Variants in ACTN4 observed in about 807,000 individuals in gnomAD.
ACTN4 encodes actinin alpha 4, also known as alpha-actinin-4.
Under a neutral mutation model 114.2 loss-of-function variants are expected in ACTN4, and 18 were observed. The observed-to-expected ratio is 0.16, with a 90% CI of 0.11 to 0.23. The LOEUF (loss-of-function observed/expected upper bound fraction) is 0.23, where lower values mean the gene tolerates loss of function less well. Ranked by LOEUF, ACTN4 falls within the 10% of genes least tolerant of loss-of-function variation. ACTN4 has a pLI of 1.00. For synonymous variants in ACTN4, 515 were observed against 506.3 expected (o/e 1.02, Z -0.23); for missense variants, 722 against 1,262.9 (o/e 0.57, Z 6.49).
At position 38,730,973 on chromosome 19, in the gene ACTN4, G is replaced by GT; in HGVS notation, c.*1541_*1542insT. The GT allele has an allele frequency of 6.4e-6, 10 of 1,550,876 alleles. No homozygotes were observed. The highest frequency in any genetic ancestry group is 3.3e-4 in the Middle Eastern group (2 of 5,992). ...CCTCCCACCTGGCTCACCTGTCTGT[G>GT]GGTCAGGCAGATGACCCCCTCACCC... is the stretch of plus-strand genomic sequence containing the variant. On this transcript the variant is annotated 3_prime_UTR_variant, in exon 21 of 21. Coordinates refer to ENST00000252699, the MANE Select transcript of ACTN4 (RefSeq NM_004924.6).
chr19:38,672,882 ATTT>A (rs1967176833), intron 1 of ACTN4, among the ~76,000 whole-genome samples: 1 of 145,978 alleles, frequency 6.9e-6, no homozygotes, highest in South Asian at 2.1e-4. Context: ...CCCTGTAACC[ATTT>A]TTAAGTGATT....
At chr19:38,721,820 C>A in intron 12 of ACTN4, 132 bp downstream of exon 12, 1 of 1,352,750 alleles carries the variant, frequency 7.4e-7, no homozygotes, top group Non-Finnish European at 1.0e-6. Context: ...AACTGCACCT[C>A]CTTCCAGAAG....
At chr19:38,706,955 G>A (rs971945476) in intron 5 of ACTN4, among the ~76,000 whole-genome samples, 3 of 152,184 alleles carry the variant, frequency 2.0e-5, no homozygotes, top group Non-Finnish European at 2.9e-5. Context: ...AGGCCTGCCT[G>A]GTGGTTGGGA....
intron 1 of ACTN4, among the ~76,000 whole-genome samples, chr19:38,669,249 G>C (rs1221686676): frequency 6.6e-6 from 1 of 152,152 alleles, no homozygotes; most frequent in East Asian, 1.9e-4. Context: ...GCCTCCCAAA[G>C]TGCTGGGATT....
chr19:38,692,365 A>G (rs1599807304), intron 1 of ACTN4, among the ~76,000 whole-genome samples: 2 of 152,176 alleles, frequency 1.3e-5, no homozygotes, highest in African/African-American at 4.8e-5. Context: ...TGCTGCACCC[A>G]TCTAATTTGT....
intron 11 of ACTN4, among the ~76,000 whole-genome samples, chr19:38,721,236 G>A (rs1969029696): frequency 1.3e-5 from 2 of 152,194 alleles, no homozygotes; most frequent in Non-Finnish European, 2.9e-5. Flanking sequence ...ACCACGGCCC[G>A]ATTTGTATGG....
chr19:38,690,050 G>A (rs1599803153), intron 1 of ACTN4, among the ~76,000 whole-genome samples: 2 of 152,196 alleles, frequency 1.3e-5, no homozygotes, highest in Non-Finnish European at 2.9e-5. Flanking sequence ...GTTAAAAGCA[G>A]GAGGTAAAGA....
intron 1 of ACTN4, among the ~76,000 whole-genome samples, chr19:38,687,636 A>C (rs993219123): frequency 1.8e-4 from 27 of 152,372 alleles, no homozygotes; most frequent in Middle Eastern, 3.4e-3. Context: ...AATTAACTCC[A>C]AACGGATCAG....
chr19:38,725,689 C>T (rs1225972803), intron 16 of ACTN4, 35 bp from the exon 17 acceptor site: 1 of 1,606,916 alleles, frequency 6.2e-7, no homozygotes, highest in Non-Finnish European at 8.5e-7. Flanking sequence ...GCAGGCCCAC[C>T]AGCCTCACCC....
intron 1 of ACTN4, among the ~76,000 whole-genome samples, chr19:38,684,600 G>T (rs1184325182): frequency 6.6e-6 from 1 of 152,228 alleles, no homozygotes; most frequent in African/African-American, 2.4e-5. Flanking sequence ...TGTAGGTGGG[G>T]CGAGCCAGGG....
chr19:38,723,529 G>A, intron 12 of ACTN4, 85 bp from the exon 13 acceptor site: 1 of 987,226 alleles, frequency 1.0e-6, no homozygotes, highest in African/African-American at 1.6e-5. Flanking sequence ...CAACACCCTG[G>A]CCTGGGAACC....
intron 7 of ACTN4, 127 bp from the exon 8 acceptor site, chr19:38,710,130 A>G: frequency 2.1e-6 from 2 of 954,810 alleles, no homozygotes; most frequent in Non-Finnish European, 3.4e-6. Context: ...AGCCCACCCA[A>G]GTCACGCGTC....
intron 12 of ACTN4, 131 bp from the exon 13 acceptor site, chr19:38,723,483 T>G (rs1969115728): frequency 2.7e-6 from 2 of 735,484 alleles, no homozygotes; most frequent in Admixed American, 4.0e-5. Flanking sequence ...GACCAATTAG[T>G]GATTGGTTGC....
chr19:38,721,899 G>A (rs1969059042), intron 12 of ACTN4: 1 of 709,358 alleles, frequency 1.4e-6, no homozygotes, highest in South Asian at 1.6e-5. Context: ...GACACCTGAA[G>A]GATTTGGATT....
intron 8 of ACTN4, among the ~76,000 whole-genome samples, chr19:38,710,605 C>G (rs931099782): frequency 6.6e-6 from 1 of 152,228 alleles, no homozygotes; most frequent in South Asian, 2.1e-4. Flanking sequence ...CAGGGCACTT[C>G]CATGCTAGTG....
intron 11 of ACTN4, chr19:38,718,306 C>T (rs1375143524): frequency 2.7e-6 from 2 of 747,276 alleles, no homozygotes; most frequent in Non-Finnish European, 4.6e-6. Flanking sequence ...GCAGGAGGAT[C>T]ACTTGAGCCC....
chr19:38,668,375 C>T (rs1277836301), intron 1 of ACTN4, among the ~76,000 whole-genome samples: 4 of 152,162 alleles, frequency 2.6e-5, no homozygotes, highest in Non-Finnish European at 5.9e-5. Flanking sequence ...CCAACCCAAC[C>T]CTGTCCTTAA....
chr19:38,689,766 C>T (rs369888420), intron 1 of ACTN4, among the ~76,000 whole-genome samples: 2 of 152,120 alleles, frequency 1.3e-5, no homozygotes, highest in Non-Finnish European at 2.9e-5. Flanking sequence ...CTTTGCCTCC[C>T]GGGTTCAAGC....
In ACTN4 at chr19:38,669,486, T is replaced by G. The variant is rs115282975; in HGVS notation, c.162+21579T>G. On this transcript the variant is annotated intron_variant, in intron 1 of 20. Coordinates refer to ENST00000252699, the MANE Select transcript of ACTN4 (RefSeq NM_004924.6). ...CAGTCTGGTTTGGAGTAGATGGGAC[T>G]GGGTAGGGGACTAGTCTTGAAGCTG... is the stretch of plus-strand genomic sequence containing the variant. 3.5e-3 allele frequency among the ~76,000 whole-genome samples: 530 copies of G among 152,288 alleles called. 3 individuals are homozygous for G. The highest frequency in any genetic ancestry group is 0.012 in the African/African-American group (484 of 41,558).
Sources: gnomAD v4.1 joint callset for allele counts (sites outside exome capture counted in the v4.1 genomes callset) on GRCh38, gnomAD v4.1.1 for gene constraint, MANE v1.5 for transcripts, NCBI Gene and HGNC (gene_info 2026-07-23, HGNC 2026-07-21) for gene names.